The following GLIS1 variants were observed in gnomAD, a reference collection of about 807,000 sequenced individuals.
GLIS1 encodes GLIS family zinc finger 1.
A neutral mutation model predicts 63.8 loss-of-function variants in GLIS1; 24 were observed. The ratio of observed to expected loss-of-function variants is 0.38; its 90% confidence interval spans 0.27 to 0.53. The LOEUF (loss-of-function observed/expected upper bound fraction) is 0.53, where lower values mean the gene tolerates loss of function less well. GLIS1 is among the 20% of genes least tolerant of loss of function. The pLI, the probability that GLIS1 is intolerant of heterozygous loss-of-function variation, is 0.85. For missense variants in GLIS1, 1,036 were observed against 1,074.1 expected, an observed-to-expected ratio of 0.96 and a Z score of 0.50; for synonymous variants, 450 against 482.5, an observed-to-expected ratio of 0.93 and a Z score of 0.88.
At chr1:53,595,913 G>A (rs1163956691) in intron 3 of GLIS1, among the ~76,000 whole-genome samples, 1 of 152,192 alleles carries the variant, frequency 6.6e-6, no homozygotes, top group Admixed American at 6.5e-5. Context: ...CAATGTGACT[G>A]CATGAAACTG....
At chr1:53,650,077 A>G (rs915577253) in intron 2 of GLIS1, among the ~76,000 whole-genome samples, 13 of 152,222 alleles carry the variant, frequency 8.5e-5, no homozygotes, top group Non-Finnish European at 1.9e-4. Context: ...GATGGGCAGC[A>G]GGGAGACAAG....
intron 5 of GLIS1, among the ~76,000 whole-genome samples, chr1:53,527,821 C>T (rs1261544781): frequency 6.6e-6 from 1 of 152,142 alleles, no homozygotes; most frequent in Non-Finnish European, 1.5e-5. Flanking sequence ...CCCAGGCTTC[C>T]AGGGGACCTC....
chr1:53,684,283 G>A (rs1213075335), intron 2 of GLIS1, among the ~76,000 whole-genome samples: 2 of 152,052 alleles, frequency 1.3e-5, no homozygotes, highest in Non-Finnish European at 2.9e-5. Context: ...CTCAACACAG[G>A]GCTGGCACCC....
intron 4 of GLIS1, among the ~76,000 whole-genome samples, chr1:53,537,496 G>T (rs1644592842): frequency 6.6e-6 from 1 of 152,192 alleles, no homozygotes; most frequent in Non-Finnish European, 1.5e-5. Context: ...GTTTGTGCTG[G>T]GGATCCACCA....
At chr1:53,676,109 T>C (rs1182796405) in intron 2 of GLIS1, among the ~76,000 whole-genome samples, 1 of 152,166 alleles carries the variant, frequency 6.6e-6, no homozygotes, top group Admixed American at 6.5e-5. Flanking sequence ...TGGATTCACT[T>C]TGGGATTCAG....
chr1:53,620,328 C>T (rs1482643356), intron 2 of GLIS1, among the ~76,000 whole-genome samples: 3 of 152,214 alleles, frequency 2.0e-5, no homozygotes, highest in African/African-American at 7.2e-5. Flanking sequence ...TCGCAGTGTA[C>T]CACCTTGATG....
chr1:53,636,658 G>T (rs936219111), intron 2 of GLIS1, among the ~76,000 whole-genome samples: 1 of 152,114 alleles, frequency 6.6e-6, no homozygotes, highest in African/African-American at 2.4e-5. Flanking sequence ...CCACACCCAG[G>T]CTTCTCTGAC....
intron 3 of GLIS1, among the ~76,000 whole-genome samples, chr1:53,597,866 A>G (rs1213958215): frequency 1.3e-5 from 2 of 152,056 alleles, no homozygotes; most frequent in African/African-American, 4.8e-5. Context: ...TGTCAAAATG[A>G]TATTCAAAAT....
chr1:53,633,407 G>T lies in GLIS1; in HGVS notation c.260-33129C>A, dbSNP rs568067249. Among the ~76,000 whole-genome samples, 3 of 150,490 alleles carry T rather than the reference G, an allele frequency of 2.0e-5. No individual in the cohort carries two copies. The East Asian group carries it at 5.9e-4, about 30-fold the overall frequency. Reference sequence around the variant, plus strand: ...GGCTTGTGAATGAGTGTGACTGAGGGGTGTGTGTATGAGTGTGACTGAGGG... The same window carrying T: ...GGCTTGTGAATGAGTGTGACTGAGGTGTGTGTGTATGAGTGTGACTGAGGG... On this transcript the variant is annotated intron_variant, in intron 2 of 10. Coordinates refer to ENST00000628545, the MANE Select transcript of GLIS1 (RefSeq NM_001367484.1).
intron 2 of GLIS1, among the ~76,000 whole-genome samples, chr1:53,698,323 C>T (rs749601006): frequency 2.6e-5 from 4 of 152,132 alleles, no homozygotes; most frequent in South Asian, 2.1e-4. Context: ...GGAAGACTTC[C>T]GAGTCCCTGA....
chr1:53,735,263 T>C (rs1383955490), intron 2 of GLIS1, among the ~76,000 whole-genome samples: 1 of 152,228 alleles, frequency 6.6e-6, no homozygotes, highest in Non-Finnish European at 1.5e-5. Flanking sequence ...AAATGTAACC[T>C]TGCTTCCTTC....
chr1:53,633,698 G>A (rs541027916), intron 2 of GLIS1, among the ~76,000 whole-genome samples: 37 of 152,054 alleles, frequency 2.4e-4, no homozygotes, highest in Non-Finnish European at 4.7e-4. Context: ...ATTTGGGGCT[G>A]GATAATTCTT....
chr1:53,546,717 C>T (rs779814461), intron 4 of GLIS1, among the ~76,000 whole-genome samples: 30 of 152,206 alleles, frequency 2.0e-4, no homozygotes, highest in African/African-American at 3.1e-4. Flanking sequence ...TTCTCTTCTG[C>T]GGCCATCATT....
At chr1:53,727,986 A>G (rs1249477304) in intron 2 of GLIS1, among the ~76,000 whole-genome samples, 4 of 152,230 alleles carry the variant, frequency 2.6e-5, no homozygotes, top group African/African-American at 9.6e-5. Flanking sequence ...CATCAAACAC[A>G]GCTCCTCCTT....
intron 8 of GLIS1, among the ~76,000 whole-genome samples, chr1:53,513,169 C>A (rs917131193): frequency 6.6e-6 from 1 of 152,114 alleles, no homozygotes; most frequent in South Asian, 2.1e-4. Context: ...GAGGCCTCCT[C>A]CTCTCCCTGC....
At chr1:53,718,059 C>T (rs897041591) in intron 2 of GLIS1, among the ~76,000 whole-genome samples, 1 of 152,156 alleles carries the variant, frequency 6.6e-6, no homozygotes, top group Non-Finnish European at 1.5e-5. Context: ...AGCTGTGCAC[C>T]GGGGCCCAGC....
intron 2 of GLIS1, among the ~76,000 whole-genome samples, chr1:53,675,327 T>C (rs886652665): frequency 2.6e-5 from 4 of 152,160 alleles, no homozygotes; most frequent in Non-Finnish European, 5.9e-5. Context: ...ATTCCATCTT[T>C]AGAGATGTGG....
chr1:53,550,480 T>G (rs1644746956), intron 4 of GLIS1, among the ~76,000 whole-genome samples: 1 of 152,146 alleles, frequency 6.6e-6, no homozygotes, highest in Non-Finnish European at 1.5e-5. Flanking sequence ...CCCTTTGACA[T>G]CTCCATTCTG....
At position 53,711,677 on chromosome 1, in the gene GLIS1, T is replaced by C. The variant is rs76302062; in HGVS notation, c.259+26129A>G. On this transcript the variant is annotated intron_variant, in intron 2 of 10. Coordinates refer to ENST00000628545, the MANE Select transcript of GLIS1 (RefSeq NM_001367484.1). Reference sequence around the variant, plus strand: ...CGGAGATCACAATAGGGAAAAGAACTGTTTCATTAGCCCAATGGAAATCTC... The same window carrying C: ...CGGAGATCACAATAGGGAAAAGAACCGTTTCATTAGCCCAATGGAAATCTC... Among the ~76,000 whole-genome samples the C allele has an allele frequency of 9.4e-3, 1,437 of 152,348 alleles. 6 individuals are homozygous for C. The highest frequency in any genetic ancestry group is 0.025 in the South Asian group (122 of 4,830).
Sources: gnomAD v4.1 joint callset for allele counts (sites outside exome capture counted in the v4.1 genomes callset) on GRCh38, gnomAD v4.1.1 for gene constraint, MANE v1.5 for transcripts, NCBI Gene and HGNC (gene_info 2026-07-23, HGNC 2026-07-21) for gene names.